The following PCDH9 variants were observed in gnomAD, a reference collection of about 807,000 sequenced individuals.
PCDH9 encodes the protein protocadherin-9.
In PCDH9, 24 loss-of-function variants were observed where a neutral mutation model predicts 70.6. The observed-to-expected ratio is 0.34, with a 90% confidence interval of 0.25 to 0.48. The LOEUF is 0.48. Among genes scored for constraint, PCDH9 ranks in the 20% least tolerant of loss-of-function variants. PCDH9 has a pLI of 0.99. For synonymous variants in PCDH9, 562 were observed against 558.5 expected, an observed-to-expected ratio of 1.01 and a Z score of -0.09; for missense variants, 1,281 against 1,503.6, an observed-to-expected ratio of 0.85 and a Z score of 2.45.
At chr13:66,830,844 A>C (rs1420861911) in intron 3 of PCDH9, among the ~76,000 whole-genome samples, 1 of 152,236 alleles carries the variant, frequency 6.6e-6, no homozygotes, top group East Asian at 1.9e-4. Context: ...TAAAGGTATT[A>C]GTATATATGT....
At chr13:66,568,512 C>CAAAAAA in intron 4 of PCDH9, among the ~76,000 whole-genome samples, 1 of 108,110 alleles carries the variant, frequency 9.2e-6, no homozygotes, top group Non-Finnish European at 2.0e-5. Context: ...TGAGACTTTA[C>CAAAAAA]AAAAAAAAAA....
intron 3 of PCDH9, among the ~76,000 whole-genome samples, chr13:66,684,726 T>C (rs528375127): frequency 1.7e-4 from 26 of 152,152 alleles, no homozygotes; most frequent in Non-Finnish European, 3.5e-4. Context: ...CAGTTCTTTA[T>C]AGCAGCATAA....
intron 2 of PCDH9, chr13:67,210,540 T>C (rs1163543587): frequency 6.6e-6 from 1 of 151,978 alleles, no homozygotes; most frequent in Admixed American, 6.6e-5. Context: ...GCCAGATGGA[T>C]GTTGGGTGGC....
At chr13:66,563,634 C>T (rs2076609475) in intron 4 of PCDH9, among the ~76,000 whole-genome samples, 1 of 152,086 alleles carries the variant, frequency 6.6e-6, no homozygotes. Flanking sequence ...ATATTGTGCC[C>T]CACTCTCAGT....
At chr13:66,807,457 A>T (rs1175349317) in intron 3 of PCDH9, among the ~76,000 whole-genome samples, 4 of 152,194 alleles carry the variant, frequency 2.6e-5, no homozygotes, top group Admixed American at 1.3e-4. Flanking sequence ...GTTATATAAG[A>T]ACTTGCAGCT....
chr13:66,899,893 G>A (rs940516205), intron 3 of PCDH9, among the ~76,000 whole-genome samples: 25 of 151,876 alleles, frequency 1.6e-4, no homozygotes, highest in Non-Finnish European at 3.5e-4. Flanking sequence ...GTTTAAGAAA[G>A]AACTTCAAGT....
chr13:66,750,992 C>A (rs901330944), intron 3 of PCDH9, among the ~76,000 whole-genome samples: 3 of 152,018 alleles, frequency 2.0e-5, no homozygotes, highest in African/African-American at 7.2e-5. Context: ...CAGAAACGGG[C>A]CATTTTAATT....
At chr13:67,139,113 A>G (rs2087308047) in intron 2 of PCDH9, among the ~76,000 whole-genome samples, 1 of 152,194 alleles carries the variant, frequency 6.6e-6, no homozygotes, top group South Asian at 2.1e-4. Context: ...CTGCCCTGAC[A>G]TCTGCCATGT....
At chr13:66,379,721 T>C (rs1006782508) in intron 4 of PCDH9, among the ~76,000 whole-genome samples, 1 of 152,196 alleles carries the variant, frequency 6.6e-6, no homozygotes, top group Non-Finnish European at 1.5e-5. Flanking sequence ...CATAGTATCT[T>C]AGTAGTTTGA....
Position 66,527,899 on chromosome 13 carries a change from T to C in PCDH9, c.3340+103311A>G, listed in dbSNP as rs768144288. On this transcript the variant is annotated intron_variant, in intron 4 of 4. Transcript: ENST00000377865. ...GGAGCATGGTTGTACATGTCTGTAA[T>C]CCCAGCTACTTGGGAGGCTGAGGCA... is the stretch of plus-strand genomic sequence containing the variant. 2.6e-5 allele frequency among the ~76,000 whole-genome samples: 4 copies of C among 151,992 alleles called. No individual in the cohort carries two copies. In the South Asian group the frequency reaches 6.2e-4, roughly 24 times the overall value.
intron 2 of PCDH9, among the ~76,000 whole-genome samples, chr13:67,131,208 A>G (rs1056884959): frequency 4.6e-5 from 7 of 152,190 alleles, no homozygotes; most frequent in Admixed American, 4.6e-4. Context: ...ATTTTAAACT[A>G]TAATTGGACT....
intron 3 of PCDH9, among the ~76,000 whole-genome samples, chr13:66,877,619 C>G (rs2081841339): frequency 6.6e-6 from 1 of 152,120 alleles, no homozygotes; most frequent in South Asian, 2.1e-4. Flanking sequence ...GCAATCAGAT[C>G]CTTTTTACTA....
chr13:66,580,194 C>T (rs763216321), intron 4 of PCDH9, among the ~76,000 whole-genome samples: 1 of 151,994 alleles, frequency 6.6e-6, no homozygotes, highest in Non-Finnish European at 1.5e-5. Context: ...ACCCCATGTA[C>T]ATCTAACCAA....
At chr13:67,228,877 C>T (rs916218607) in intron 1 of PCDH9, among the ~76,000 whole-genome samples, 1 of 152,180 alleles carries the variant, frequency 6.6e-6, no homozygotes, top group Admixed American at 6.5e-5. Context: ...CTCTTCCCCT[C>T]CCCCTGTCTC....
intron 2 of PCDH9, chr13:67,219,352 G>A (rs1264151818): frequency 6.6e-6 from 1 of 151,980 alleles, no homozygotes; most frequent in Non-Finnish European, 1.5e-5. Flanking sequence ...AAGGCAAAAA[G>A]CATGTGTTCC....
chr13:66,384,683 G>T (rs1956899796), intron 4 of PCDH9, among the ~76,000 whole-genome samples: 3 of 151,984 alleles, frequency 2.0e-5, no homozygotes, highest in Admixed American at 2.0e-4. Context: ...TTACTTATTT[G>T]AGGTGGAGTT....
chr13:66,392,217 G>T (rs1393649366), intron 4 of PCDH9, among the ~76,000 whole-genome samples: 2 of 151,676 alleles, frequency 1.3e-5, no homozygotes, highest in African/African-American at 4.8e-5. Flanking sequence ...TTTTTTAAAG[G>T]TAAGCAAAAT....
chr13:66,670,385 ATAGAG>A (rs2078156939), intron 3 of PCDH9, among the ~76,000 whole-genome samples: 2 of 152,204 alleles, frequency 1.3e-5, no homozygotes, highest in Admixed American at 1.3e-4. Context: ...AAAATATGGC[ATAGAG>A]TATTTAGTCA....
At chr13:66,810,049 C>T (rs1406604837) in intron 3 of PCDH9, among the ~76,000 whole-genome samples, 2 of 151,994 alleles carry the variant, frequency 1.3e-5, no homozygotes, top group Admixed American at 1.3e-4. Context: ...GGAAAATGTT[C>T]ACCAAAATGA....
Sources: gnomAD v4.1 joint callset for allele counts (sites outside exome capture counted in the v4.1 genomes callset) on GRCh38, gnomAD v4.1.1 for gene constraint, MANE v1.5 for transcripts, NCBI Gene and HGNC (gene_info 2026-07-23, HGNC 2026-07-21) for gene names.